The following SLC44A2 variants were observed in gnomAD, a reference collection of about 807,000 sequenced individuals.
SLC44A2 encodes choline transporter-like protein 2.
In SLC44A2, 57 loss-of-function variants were observed where a neutral mutation model predicts 90.8. That is an observed-to-expected ratio of 0.63 (90% CI 0.51 to 0.78). The LOEUF is 0.78. Among genes scored for constraint, SLC44A2 ranks in the 30% least tolerant of loss-of-function variants. SLC44A2 has a pLI of 0.00. For missense variants in SLC44A2, 794 were observed against 919.7 expected (o/e 0.86, Z 1.77); for synonymous variants, 355 against 360.7 (o/e 0.98, Z 0.18).
intron 1 of SLC44A2, among the ~76,000 whole-genome samples, chr19:10,618,474 C>CTTTTTTTTT (rs3029799): frequency 6.9e-5 from 6 of 87,334 alleles, no homozygotes; most frequent in African/African-American, 3.0e-4. Flanking sequence ...TGCGCCCGGC[C>CTTTTTTTTT]TTTTTTTTTT....
At chr19:10,643,023 T>A (rs1162355748) in intron 21 of SLC44A2, 1 of 1,523,696 alleles carries the variant, frequency 6.6e-7, no homozygotes, top group Non-Finnish European at 8.7e-7. Flanking sequence ...GAGTAGAGAG[T>A]GAGGGAGACT....
Position 10,602,649 on chromosome 19 carries a change from C to A in SLC44A2, c.31+88C>A, listed in dbSNP as rs1917993068. 3 of 1,173,312 alleles carry A rather than the reference C, an allele frequency of 2.6e-6. No individual in the cohort carries two copies. In the South Asian group the frequency reaches 1.3e-4, roughly 50 times the overall value. 72.7% of individuals were successfully genotyped at this position (1,173,312 alleles called of 1,614,324 possible). A position where few individuals can be genotyped will look rare whatever the true frequency, so the allele number is the denominator to read the frequency against. On this transcript the variant is annotated intron_variant, in intron 1 of 21. Transcript: ENST00000407327. ...AGGGGGACATCTGAGACCCTAGGCA[C>A]CGGCGCTGCGGCTGGATGGCCCTCC...
chr19:10,609,185 T>C (rs1399957679), intron 1 of SLC44A2, among the ~76,000 whole-genome samples: 1 of 152,160 alleles, frequency 6.6e-6, no homozygotes, highest in Non-Finnish European at 1.5e-5. Context: ...CTTGAACTCC[T>C]GACCTTGTGA....
chr19:10,631,763 C>G lies in SLC44A2; in HGVS notation c.626+14C>G, dbSNP rs367897052. 3 of 1,613,836 alleles carry G rather than the reference C, an allele frequency of 1.9e-6. No individual in the cohort carries two copies. Among genetic ancestry groups the G allele is most frequent in the South Asian group, 1.1e-5 (1 of 91,088 alleles). The stretch of plus-strand genomic sequence containing the variant: ...GGAGGGCGCCAAGTGAGGATATTGG[C>G]GCACCGCGCCAGGGTCTCACTTTGC... On this transcript the variant is annotated intron_variant, in intron 8 of 21. Coordinates refer to ENST00000335757, the MANE Select transcript of SLC44A2 (RefSeq NM_020428.4).
chr19:10,633,308 C>T (rs552972687), intron 10 of SLC44A2, among the ~76,000 whole-genome samples: 4 of 151,818 alleles, frequency 2.6e-5, no homozygotes, highest in East Asian at 3.9e-4. Flanking sequence ...GGATTACAGG[C>T]GCACACCACC....
At chr19:10,607,196 A>G (rs1918135494) in intron 1 of SLC44A2, among the ~76,000 whole-genome samples, 2 of 151,900 alleles carry the variant, frequency 1.3e-5, no homozygotes, top group Admixed American at 1.3e-4. Context: ...TACAGGCGTG[A>G]GCCACCTCGC....
intron 20 of SLC44A2, 55 bp from the exon 21 acceptor site, chr19:10,642,312 G>A (rs1407627125): frequency 4.7e-6 from 7 of 1,477,976 alleles, no homozygotes; most frequent in Admixed American, 1.7e-5. Context: ...CTCAGGGGGT[G>A]GGGGCTGCTC....
chr19:10,640,862 G>A (rs1305022930), intron 20 of SLC44A2, among the ~76,000 whole-genome samples: 1 of 152,090 alleles, frequency 6.6e-6, no homozygotes, highest in Non-Finnish European at 1.5e-5. Context: ...AAGGCAGGCG[G>A]ATCATGAACG....
chr19:10,638,588 G>A (rs184699534), intron 20 of SLC44A2, among the ~76,000 whole-genome samples: 1 of 151,778 alleles, frequency 6.6e-6, no homozygotes, highest in Non-Finnish European at 1.5e-5. Flanking sequence ...GGGATTACAG[G>A]TGCCTGCCCC....
upstream of SLC44A2, among the ~76,000 whole-genome samples, chr19:10,622,410 A>G (rs2066900416): frequency 6.6e-6 from 1 of 152,078 alleles, no homozygotes; most frequent in Admixed American, 6.6e-5. Context: ...TCTGGCCGCT[A>G]TAGTGAGGAT....
intron 1 of SLC44A2, among the ~76,000 whole-genome samples, chr19:10,602,790 C>T (rs1917998947): frequency 6.6e-6 from 1 of 152,160 alleles, no homozygotes; most frequent in African/African-American, 2.4e-5. Context: ...TGGGCCGGGG[C>T]TCACGGCGCA....
chr19:10,627,642 A>G (rs778569048), intron 2 of SLC44A2, 80 bp from the exon 3 acceptor site: 58 of 1,440,888 alleles, frequency 4.0e-5, no homozygotes, highest in Non-Finnish European at 5.5e-5. Context: ...CACATGGATG[A>G]GGGTGTTTGC....
chr19:10,618,546 C>T (rs1321363879), intron 1 of SLC44A2, among the ~76,000 whole-genome samples: 4 of 144,080 alleles, frequency 2.8e-5, no homozygotes, highest in African/African-American at 1.0e-4. Flanking sequence ...GTGGCGCCAT[C>T]TCGGCTCACT....
rs1363742372 is a variant in SLC44A2 at position 10,635,430 on chromosome 19, G to A, written c.1149-1G>A. On this transcript the variant is annotated splice_acceptor_variant, in intron 13 of 21. Transcript: ENST00000335757. LOFTEE classifies it high-confidence loss of function. Reference sequence around the variant, plus strand: ...CCTCTGCTTCCTTAACGAACCTCCAGCTTCCTGTCCACTTCCAACGAAGCG... The same window carrying A: ...CCTCTGCTTCCTTAACGAACCTCCAACTTCCTGTCCACTTCCAACGAAGCG... 2 of 1,614,018 alleles carry A rather than the reference G, an allele frequency of 1.2e-6. No individual in the cohort carries two copies. The highest frequency in any genetic ancestry group is 2.7e-5 in the African/African-American group (2 of 74,920).
chr19:10,621,024 G>A (rs1487615843), upstream of SLC44A2, among the ~76,000 whole-genome samples: 1 of 152,088 alleles, frequency 6.6e-6, no homozygotes, highest in African/African-American at 2.4e-5. Flanking sequence ...GAGTGACAAA[G>A]CAAGACTCTA....
intron 16 of SLC44A2, 176 bp downstream of exon 16, chr19:10,636,932 G>A: frequency 1.5e-6 from 1 of 647,032 alleles, no homozygotes; most frequent in South Asian, 2.0e-5. Flanking sequence ...CGATGGAGGA[G>A]CAAACCAGAG....
At chr19:10,619,784 A>G (rs950509745) in intron 1 of SLC44A2, among the ~76,000 whole-genome samples, 3 of 152,030 alleles carry the variant, frequency 2.0e-5, no homozygotes, top group Non-Finnish European at 4.4e-5. Context: ...TGAAACCCCC[A>G]TCTCTACTAA....
At chr19:10,642,156 CAAAA>C (rs373634246) in intron 20 of SLC44A2, among the ~76,000 whole-genome samples, 7 of 74,414 alleles carry the variant, frequency 9.4e-5, no homozygotes, top group Admixed American at 3.0e-4. Context: ...GATTCCGTCT[CAAAA>C]AAAAAAAAAA....
At chr19:10,606,233 G>C (rs1017184799) in intron 1 of SLC44A2, among the ~76,000 whole-genome samples, 1 of 152,144 alleles carries the variant, frequency 6.6e-6, no homozygotes, top group Non-Finnish European at 1.5e-5. Flanking sequence ...AGGAGGCAGA[G>C]GTTGCAGTGA....
Sources: gnomAD v4.1 joint callset for allele counts (sites outside exome capture counted in the v4.1 genomes callset) on GRCh38, gnomAD v4.1.1 for gene constraint, MANE v1.5 for transcripts, NCBI Gene and HGNC (gene_info 2026-07-23, HGNC 2026-07-21) for gene names.